Variants in SPIDR observed in about 807,000 individuals in gnomAD.
The protein encoded by SPIDR is DNA repair-scaffolding protein.
Under a neutral mutation model 104.6 loss-of-function variants are expected in SPIDR, and 93 were observed. The observed-to-expected ratio is 0.89, with a 90% CI of 0.75 to 1.06. The LOEUF (loss-of-function observed/expected upper bound fraction) is 1.06. Among genes scored for constraint, SPIDR ranks in the 50% least tolerant of loss-of-function variants. The probability of loss-of-function intolerance (pLI) is 0.00; values close to 1 mark genes in which losing one functional copy is unlikely to be tolerated. For synonymous variants in SPIDR, 431 were observed against 416.9 expected, an observed-to-expected ratio of 1.03 and a Z score of -0.41; for missense variants, 1,154 against 1,111.2, an observed-to-expected ratio of 1.04 and a Z score of -0.55.
chr8:47,449,526 G>A (rs565307518), intron 8 of SPIDR, among the ~76,000 whole-genome samples: 2 of 152,150 alleles, frequency 1.3e-5, no homozygotes, highest in Non-Finnish European at 2.9e-5. Flanking sequence ...TAAATAAATT[G>A]CTGGCTCCTA....
intron 2 of SPIDR, among the ~76,000 whole-genome samples, chr8:47,280,223 TA>T (rs1175793350): frequency 1.1e-3 from 159 of 150,796 alleles, no homozygotes; most frequent in Non-Finnish European, 1.9e-3. Flanking sequence ...TTTTATTTTT[TA>T]TTTTTTTTTT....
At chr8:47,576,071 G>T (rs1361195285) in intron 8 of SPIDR, among the ~76,000 whole-genome samples, 3 of 151,170 alleles carry the variant, frequency 2.0e-5, no homozygotes, top group Non-Finnish European at 4.4e-5. Flanking sequence ...TTCTACAATA[G>T]GCATATTATA....
At chr8:47,545,144 G>A (rs1411630435) in intron 8 of SPIDR, among the ~76,000 whole-genome samples, 4 of 122,426 alleles carry the variant, frequency 3.3e-5, no homozygotes, top group African/African-American at 1.3e-4. Flanking sequence ...TTGTTGAAAC[G>A]GAGTCTCACT....
At chr8:47,405,866 C>T (rs1388721256) in intron 6 of SPIDR, among the ~76,000 whole-genome samples, 2 of 152,152 alleles carry the variant, frequency 1.3e-5, no homozygotes, top group African/African-American at 2.4e-5. Flanking sequence ...AGCTCAAGTT[C>T]TTAAGTTCAA....
At chr8:47,711,079 A>G (rs1387654941) in intron 14 of SPIDR, among the ~76,000 whole-genome samples, 2 of 152,166 alleles carry the variant, frequency 1.3e-5, no homozygotes. Context: ...ATTAAATATC[A>G]GTATGGACCA....
At chr8:47,266,768 T>C (rs1480452519) in intron 1 of SPIDR, among the ~76,000 whole-genome samples, 1 of 152,246 alleles carries the variant, frequency 6.6e-6, no homozygotes, top group Non-Finnish European at 1.5e-5. Context: ...TAATAAAATC[T>C]ACCCTTTTAA....
At position 47,599,040 on chromosome 8, in the gene SPIDR, A is replaced by T. The variant is rs200701937; in HGVS notation, c.1388A>T (p.Asp463Val). ...QRIPTSTPLR[D>V]SLLDVVESQG... The stretch of plus-strand genomic sequence containing the variant: ...ATCCCAACCAGCACTCCCCTGAGGG[A>T]TTCTCTCCTGGATGTGGTGGAAAGC... Residue 463 changes from aspartate to valine, a missense_variant, in exon 10 of 20, where the codon GAT becomes GTT. Transcript: ENST00000297423. 1.1e-4 allele frequency: 181 copies of T among 1,613,018 alleles called. 1 individual carries two copies. The Middle Eastern group carries it at 3.5e-3, about 31-fold the overall frequency.
intron 5 of SPIDR, among the ~76,000 whole-genome samples, chr8:47,337,296 A>C (rs571004212): frequency 6.6e-6 from 1 of 152,072 alleles, no homozygotes; most frequent in South Asian, 2.1e-4. Context: ...CCTCTGGCTA[A>C]TTGTTTAATT....
chr8:47,277,972 T>C (rs2036897832), intron 1 of SPIDR, among the ~76,000 whole-genome samples: 2 of 152,242 alleles, frequency 1.3e-5, no homozygotes, highest in South Asian at 2.1e-4. Flanking sequence ...CGTGCCCAGC[T>C]GTGTTTAACT....
intron 7 of SPIDR, among the ~76,000 whole-genome samples, chr8:47,433,037 A>G (rs971540549): frequency 1.8e-4 from 27 of 152,192 alleles, no homozygotes; most frequent in Admixed American, 5.2e-4. Context: ...CACCTCCCAG[A>G]AAAGAAATAT....
intron 6 of SPIDR, among the ~76,000 whole-genome samples, chr8:47,403,863 A>C (rs776029707): frequency 1.3e-5 from 2 of 152,194 alleles, no homozygotes; most frequent in Non-Finnish European, 2.9e-5. Context: ...TTCAAAGTTC[A>C]TATGGAACCA....
At chr8:47,712,073 G>A (rs906083737) in intron 14 of SPIDR, among the ~76,000 whole-genome samples, 2 of 151,954 alleles carry the variant, frequency 1.3e-5, no homozygotes, top group African/African-American at 2.4e-5. Flanking sequence ...CCTAAGCCCT[G>A]ACCAAAAGGA....
At chr8:47,271,566 T>G (rs1474894312) in intron 1 of SPIDR, among the ~76,000 whole-genome samples, 3 of 152,122 alleles carry the variant, frequency 2.0e-5, no homozygotes, top group Non-Finnish European at 2.9e-5. Context: ...GGTTCTGTCT[T>G]TTTATAATTT....
chr8:47,472,748 A>G (rs1554721746), intron 8 of SPIDR, among the ~76,000 whole-genome samples: 1 of 152,210 alleles, frequency 6.6e-6, no homozygotes, highest in African/African-American at 2.4e-5. Context: ...GAGATATAAG[A>G]TAGTTTTGAT....
chr8:47,630,741 A>G (rs2066933434), intron 10 of SPIDR, among the ~76,000 whole-genome samples: 1 of 152,164 alleles, frequency 6.6e-6, no homozygotes, highest in Non-Finnish European at 1.5e-5. Context: ...CATAGGTCAA[A>G]TGTTGTAACT....
At chr8:47,582,153 G>A (rs1298737658) in intron 8 of SPIDR, among the ~76,000 whole-genome samples, 1 of 150,700 alleles carries the variant, frequency 6.6e-6, no homozygotes, top group Non-Finnish European at 1.5e-5. Context: ...GGAGGCATAG[G>A]TTGCGGTGAG....
intron 8 of SPIDR, among the ~76,000 whole-genome samples, chr8:47,546,152 A>G (rs1330512816): frequency 1.3e-5 from 2 of 151,272 alleles, no homozygotes; most frequent in Admixed American, 6.6e-5. Flanking sequence ...CTCCTCTTCT[A>G]TTTCGTGAAA....
chr8:47,315,571 C>T (rs1005623884), intron 5 of SPIDR, among the ~76,000 whole-genome samples: 1 of 151,988 alleles, frequency 6.6e-6, no homozygotes, highest in African/African-American at 2.4e-5. Context: ...ATAGAAAGGA[C>T]CTATGTTATA....
chr8:47,439,534 A>G (rs797022954), intron 7 of SPIDR, among the ~76,000 whole-genome samples: 5 of 152,120 alleles, frequency 3.3e-5, no homozygotes, highest in African/African-American at 1.2e-4. Context: ...GCAGTTTTCT[A>G]CTCTTATAAA....
Sources: allele counts gnomAD v4.1 joint callset (sites outside exome capture counted in the v4.1 genomes callset), GRCh38; gene constraint gnomAD v4.1.1; transcripts MANE v1.5; gene names NCBI Gene and HGNC (gene_info 2026-07-23, HGNC 2026-07-21).